The following KIZ variants were observed in gnomAD, a reference collection of about 807,000 sequenced individuals.
KIZ encodes centrosomal protein kizuna.
In KIZ, 68 loss-of-function variants were observed where a neutral mutation model predicts 79.6. The ratio of observed to expected loss-of-function variants is 0.85; its 90% CI spans 0.70 to 1.05. The LOEUF (loss-of-function observed/expected upper bound fraction) is 1.05, where lower values mean the gene tolerates loss of function less well. Among genes scored for constraint, KIZ ranks in the 50% least tolerant of loss-of-function variants. The pLI is 0.00. For synonymous variants in KIZ, 280 were observed against 281.8 expected (o/e 0.99, Z 0.06); for missense variants, 797 against 800.4 (o/e 1.00, Z 0.05).
chr20:21,154,845 A>G (rs1438438120), intron 4 of KIZ, among the ~76,000 whole-genome samples: 1 of 152,226 alleles, frequency 6.6e-6, no homozygotes, highest in African/African-American at 2.4e-5. Flanking sequence ...TAATAAAATG[A>G]CAGACTTTTA....
chr20:21,242,291 C>G (rs540254992), intron 11 of KIZ, among the ~76,000 whole-genome samples: 1 of 152,180 alleles, frequency 6.6e-6, no homozygotes, highest in African/African-American at 2.4e-5. Context: ...ACCTTGGAGG[C>G]ACTGCTTGGG....
intron 10 of KIZ, among the ~76,000 whole-genome samples, chr20:21,230,997 GGTAA>G (rs1042790627): frequency 6.6e-6 from 1 of 152,130 alleles, no homozygotes; most frequent in African/African-American, 2.4e-5. Context: ...GTCTGTTTCT[GGTAA>G]GTGTTATTTT....
Position 21,136,516 on chromosome 20 carries a change from C to A in KIZ, c.279C>A (p.His93Gln). The A allele has an allele frequency of 6.3e-7, 1 of 1,591,226 alleles. No individual in the cohort carries two copies. The highest frequency in any genetic ancestry group is 1.8e-5 in the Admixed American group (1 of 55,790). Residue 93 changes from histidine to glutamine, a missense_variant, in exon 3 of 13, where the codon CAC becomes CAA. Transcript: ENST00000619189. ...RFERVQAHVV[H>Q]FTTNTEKLQK... ...AGCGTGTCCAAGCTCATGTTGTACA[C>A]TTCACCACAAATACAGAGAAGCTTC...
At chr20:21,203,294 G>A (rs1469889204) in intron 6 of KIZ, among the ~76,000 whole-genome samples, 1 of 152,142 alleles carries the variant, frequency 6.6e-6, no homozygotes, top group African/African-American at 2.4e-5. Context: ...TGGTTGGTAT[G>A]TTTAACCAGT....
At chr20:21,193,056 CAGG>C (rs1428307633) in intron 6 of KIZ, among the ~76,000 whole-genome samples, 4 of 151,860 alleles carry the variant, frequency 2.6e-5, no homozygotes, top group Non-Finnish European at 4.4e-5. Flanking sequence ...CTTTGAGAGA[CAGG>C]AGGGAGGTGG....
At chr20:21,234,359 AAAAC>A (rs1320962549) in intron 11 of KIZ, among the ~76,000 whole-genome samples, 1 of 151,358 alleles carries the variant, frequency 6.6e-6, no homozygotes, top group Non-Finnish European at 1.5e-5. Flanking sequence ...AACAAAAAAA[AAAAC>A]CACACAAAAA....
At chr20:21,167,559 CT>C (rs11445129) in intron 6 of KIZ, among the ~76,000 whole-genome samples, 3,625 of 111,702 alleles carry the variant, frequency 0.032, 87 homozygotes, top group African/African-American at 0.11. Flanking sequence ...GTTTGTTTCG[CT>C]TTTTTTTTTT....
rs144961287 is a variant in KIZ at position 21,237,174 on chromosome 20, C to T, written c.1880+4344C>T. 1.8e-4 allele frequency among the ~76,000 whole-genome samples: 27 copies of T among 151,472 alleles called. 1 individual carries two copies. The East Asian group carries it at 4.7e-3, about 26-fold the overall frequency. ...AAAATTAGCTAGACATGGTGGCAGG[C>T]GCCTATAATCCCAGCCACTCGGGAG... On this transcript the variant is annotated intron_variant, in intron 11 of 12. Transcript: ENST00000619189.
intron 11 of KIZ, among the ~76,000 whole-genome samples, chr20:21,241,203 C>T (rs1211274622): frequency 6.6e-6 from 1 of 152,218 alleles, no homozygotes; most frequent in Non-Finnish European, 1.5e-5. Flanking sequence ...TCTCAGGCTT[C>T]TCCATCAGCC....
chr20:21,203,605 C>A (rs2180372), intron 6 of KIZ, among the ~76,000 whole-genome samples: 3,558 of 152,242 alleles, frequency 0.023, 135 homozygotes, highest in African/African-American at 0.08. Context: ...CTAATTTGAT[C>A]ATTTCTTCTG....
At chr20:21,145,524 T>A in intron 3 of KIZ, 41 bp from the exon 4 acceptor site, 1 of 1,013,774 alleles carries the variant, frequency 9.9e-7, no homozygotes, top group African/African-American at 1.6e-5. Context: ...GTGCTAGTTG[T>A]AAAAATATTT....
chr20:21,236,940 C>G (rs2037027046), intron 11 of KIZ, among the ~76,000 whole-genome samples: 1 of 148,966 alleles, frequency 6.7e-6, no homozygotes, highest in African/African-American at 2.5e-5. Context: ...GCAGAACTTG[C>G]AGTGAGCTGA....
intron 4 of KIZ, among the ~76,000 whole-genome samples, chr20:21,155,445 T>C (rs1176071410): frequency 6.6e-6 from 1 of 152,178 alleles, no homozygotes; most frequent in African/African-American, 2.4e-5. Flanking sequence ...ACGATTCCAC[T>C]TACATATTCA....
intron 4 of KIZ, chr20:21,151,492 A>C (rs2033113466): frequency 6.6e-6 from 1 of 152,188 alleles, no homozygotes; most frequent in African/African-American, 2.4e-5. Flanking sequence ...GAAGAGAAAA[A>C]AAGTGGATGA....
At chr20:21,217,487 G>C (rs1181221654) in intron 9 of KIZ, among the ~76,000 whole-genome samples, 5 of 152,150 alleles carry the variant, frequency 3.3e-5, no homozygotes, top group Admixed American at 3.3e-4. Context: ...GTGGGTGCAT[G>C]CTGGTTGTGT....
At chr20:21,146,160 C>T (rs139980408) in intron 4 of KIZ, among the ~76,000 whole-genome samples, 38 of 152,288 alleles carry the variant, frequency 2.5e-4, no homozygotes, top group Admixed American at 1.4e-3. Flanking sequence ...ATCCTCCTGC[C>T]TATCTCCATA....
intron 7 of KIZ, among the ~76,000 whole-genome samples, chr20:21,212,598 G>A (rs574033727): frequency 6.6e-6 from 1 of 152,176 alleles, no homozygotes; most frequent in South Asian, 2.1e-4. Context: ...CAATTTGTGG[G>A]TTTATTGGAT....
intron 6 of KIZ, among the ~76,000 whole-genome samples, chr20:21,189,916 G>A (rs535915264): frequency 3.3e-5 from 5 of 152,260 alleles, no homozygotes; most frequent in Admixed American, 6.5e-5. Flanking sequence ...CCCTGGAAGG[G>A]ACCACCCAGG....
intron 9 of KIZ, among the ~76,000 whole-genome samples, chr20:21,221,994 T>C (rs2123368111): frequency 6.6e-6 from 1 of 152,288 alleles, no homozygotes; most frequent in Admixed American, 6.5e-5. Flanking sequence ...AACCCCCAGC[T>C]TGTGCAAAAC....
Sources: gnomAD v4.1 joint callset for allele counts (sites outside exome capture counted in the v4.1 genomes callset) on GRCh38, gnomAD v4.1.1 for gene constraint, MANE v1.5 for transcripts, NCBI Gene and HGNC (gene_info 2026-07-23, HGNC 2026-07-21) for gene names.